SESTD1: variants seen among roughly 807,000 people sequenced by gnomAD.
SESTD1 encodes SEC14 domain and spectrin repeat-containing protein 1.
A neutral mutation model predicts 101.7 loss-of-function variants in SESTD1; 43 were observed. That is an observed-to-expected ratio of 0.42 (90% CI 0.33 to 0.55). The LOEUF (loss-of-function observed/expected upper bound fraction) is 0.55, where lower values mean the gene tolerates loss of function less well. Among genes scored for constraint, SESTD1 ranks in the 20% least tolerant of loss-of-function variants. The pLI is 0.07. For missense variants in SESTD1, 647 were observed against 815.1 expected (o/e 0.79, Z 2.51); for synonymous variants, 283 against 286.8 (o/e 0.99, Z 0.13).
At chr2:179,132,747 CA>C (rs1405428421) in intron 9 of SESTD1, among the ~76,000 whole-genome samples, 1 of 152,154 alleles carries the variant, frequency 6.6e-6, no homozygotes, top group East Asian at 1.9e-4. Flanking sequence ...ATCAGAGAAT[CA>C]TAAGATTTAG....
chr2:179,128,126 G>A (rs2044919563), intron 10 of SESTD1, among the ~76,000 whole-genome samples: 1 of 152,090 alleles, frequency 6.6e-6, no homozygotes, highest in Non-Finnish European at 1.5e-5. Flanking sequence ...AGTTGGCCCT[G>A]GAATATATAT....
chr2:179,143,531 TCA>T, intron 9 of SESTD1, 59 bp downstream of exon 9: 1 of 1,455,048 alleles, frequency 6.9e-7, no homozygotes, highest in Non-Finnish European at 9.6e-7. Context: ...TAATAGTCAG[TCA>T]CATAGTAGAA....
chr2:179,170,682 T>C (rs550300208), intron 5 of SESTD1, among the ~76,000 whole-genome samples: 22 of 152,130 alleles, frequency 1.4e-4, no homozygotes, highest in Non-Finnish European at 2.9e-4. Context: ...GATGAAGGCT[T>C]GTCACCAAAA....
chr2:179,197,143 C>A lies in SESTD1; in HGVS notation c.-25-5277G>T, dbSNP rs190121336. 2.0e-5 allele frequency among the ~76,000 whole-genome samples: 3 copies of A among 151,812 alleles called. No individual in the cohort carries two copies. The East Asian group carries it at 5.8e-4, about 29-fold the overall frequency. On this transcript the variant is annotated intron_variant, in intron 1 of 17. Transcript: ENST00000428443. ...GCTGATGGAGCTGAAAACCAAGGCT[C>A]GAGAACTACGTGAAGAAAGAAGAAG...
At chr2:179,175,162 C>T (rs1478880338) in intron 4 of SESTD1, among the ~76,000 whole-genome samples, 3 of 152,052 alleles carry the variant, frequency 2.0e-5, no homozygotes, top group Non-Finnish European at 4.4e-5. Context: ...CCTTGAGCCT[C>T]GTTGACCTCT....
Position 179,121,875 on chromosome 2 carries a change from G to C in SESTD1, c.1337C>G (p.Ser446Cys). 1 of 1,608,816 alleles carries C rather than the reference G, an allele frequency of 6.2e-7. No homozygotes were observed. ...EKGQGLLDQI[S>C]NQASWAYGKD... ...TCCATAGGCCCAGGATGCCTGATTGGAGATCTGATCCAGGAGACCTTGACC... is the reference window on the plus strand; with the variant it reads ...TCCATAGGCCCAGGATGCCTGATTGCAGATCTGATCCAGGAGACCTTGACC... The change falls in exon 13 of 18, where the codon TCC becomes TGC. Residue 446 changes from serine (S) to cysteine (C), a missense_variant. Physicochemically the swap from Ser to Cys is moderately radical, Grantham distance 112. Around this residue, in one of 3 missense-constraint regions of SESTD1, gnomAD observed 476 missense variants for 562.6 expected, o/e 0.85. Coordinates refer to ENST00000428443, the MANE Select transcript of SESTD1 (RefSeq NM_178123.5).
intron 1 of SESTD1, among the ~76,000 whole-genome samples, chr2:179,240,093 C>T (rs1457817661): frequency 6.6e-6 from 1 of 152,096 alleles, no homozygotes; most frequent in African/African-American, 2.4e-5. Context: ...ACAAATTGAT[C>T]AAGGTCATGG....
chr2:179,143,485 G>T, intron 9 of SESTD1, 107 bp downstream of exon 9: 1 of 822,702 alleles, frequency 1.2e-6, no homozygotes, highest in Non-Finnish European at 1.8e-6. Context: ...CCAGTTTGAT[G>T]TGTTCTAAGG....
At chr2:179,208,320 A>G (rs572120676) in intron 1 of SESTD1, among the ~76,000 whole-genome samples, 2 of 135,380 alleles carry the variant, frequency 1.5e-5, no homozygotes, top group East Asian at 4.0e-4. Context: ...ATCGAGGAAA[A>G]CTTCCCTGGT....
chr2:179,128,583 GC>G (rs1294523092), intron 10 of SESTD1, among the ~76,000 whole-genome samples: 1 of 152,002 alleles, frequency 6.6e-6, no homozygotes, highest in Non-Finnish European at 1.5e-5. Flanking sequence ...ACAAAAATTA[GC>G]TGGGTGTGGT....
At chr2:179,158,992 G>T (rs1040082951) in intron 5 of SESTD1, among the ~76,000 whole-genome samples, 5 of 152,118 alleles carry the variant, frequency 3.3e-5, no homozygotes, top group African/African-American at 1.2e-4. Flanking sequence ...TGTTTAAGAG[G>T]GTGAAGGTGA....
rs542866548 is a variant in SESTD1, at chr2:179,109,546, CT to C, written c.*352del. On this transcript the variant is annotated 3_prime_UTR_variant, in exon 18 of 18. Transcript: ENST00000428443. The stretch of plus-strand genomic sequence containing the variant: ...TAAATCACCTGTGGAGGAAGGGCAA[CT>C]TTTTTTTTTCTTTTTAATAGAGAGA... 1.0e-3 allele frequency: 375 copies of C among 359,538 alleles called. 2 individuals are homozygous for C. Among genetic ancestry groups the C allele is most frequent in the African/African-American group, 2.3e-3 (108 of 47,004 alleles). 22.3% of individuals were successfully genotyped at this position (359,538 alleles called of 1,614,324 possible).
chr2:179,111,783 G>C (rs191628823), intron 17 of SESTD1, among the ~76,000 whole-genome samples: 3 of 148,834 alleles, frequency 2.0e-5, no homozygotes, highest in African/African-American at 7.5e-5. Flanking sequence ...GCAGTGGCGT[G>C]ATCTCGGCTC....
chr2:179,198,465 T>C (rs1003467315), intron 1 of SESTD1, among the ~76,000 whole-genome samples: 1 of 152,186 alleles, frequency 6.6e-6, no homozygotes, highest in African/African-American at 2.4e-5. Flanking sequence ...CTAATAGACA[T>C]CTGCAGAACT....
At chr2:179,214,034 G>T (rs1461902930) in intron 1 of SESTD1, among the ~76,000 whole-genome samples, 1 of 134,996 alleles carries the variant, frequency 7.4e-6, no homozygotes, top group Admixed American at 7.2e-5. Context: ...ACGTGCCAAT[G>T]TGTAAAGACC....
At chr2:179,119,568 A>G (rs2044703511) in intron 13 of SESTD1, among the ~76,000 whole-genome samples, 1 of 152,118 alleles carries the variant, frequency 6.6e-6, no homozygotes, top group African/African-American at 2.4e-5. Flanking sequence ...CTGTTTCCTG[A>G]GGCCTCTCCA....
chr2:179,183,233 G>C, intron 2 of SESTD1, 45 bp from the exon 3 acceptor site: 1 of 1,216,838 alleles, frequency 8.2e-7, no homozygotes, highest in East Asian at 2.4e-5. Context: ...ACATATTAAG[G>C]CATAATCTGA....
intron 1 of SESTD1, among the ~76,000 whole-genome samples, chr2:179,221,882 T>C (rs1459385699): frequency 1.3e-5 from 2 of 152,006 alleles, no homozygotes; most frequent in African/African-American, 2.4e-5. Flanking sequence ...ATTGTGCTAC[T>C]GTACTCCAGC....
chr2:179,233,236 G>A (rs981568070), intron 1 of SESTD1, among the ~76,000 whole-genome samples: 1 of 152,182 alleles, frequency 6.6e-6, no homozygotes, highest in African/African-American at 2.4e-5. Context: ...CTGAGTTCCA[G>A]TAAGTGGGTT....
Sources: gnomAD v4.1 joint callset for allele counts (sites outside exome capture counted in the v4.1 genomes callset) on GRCh38, gnomAD v4.1.1 for gene constraint, gnomAD v4.1.1 regional missense constraint, MANE v1.5 for transcripts, NCBI Gene and HGNC (gene_info 2026-07-23, HGNC 2026-07-21) for gene names.